WWOX: variants seen among roughly 807,000 people sequenced by gnomAD.
The protein encoded by WWOX is WW domain-containing oxidoreductase.
WWOX carries 69 observed loss-of-function variants against 46.2 expected under a neutral mutation model. That is an observed-to-expected ratio of 1.49 (90% CI 1.23 to 1.82). WWOX has a LOEUF of 1.82. Ranked by LOEUF, WWOX falls within the 40% of genes most tolerant of loss-of-function variation. The probability of loss-of-function intolerance (pLI) is 0.00; values close to 1 mark genes in which losing one functional copy is unlikely to be tolerated. For missense variants in WWOX, 919 were observed against 542.6 expected (o/e 1.69, Z -6.89); for synonymous variants, 359 against 202.6 (o/e 1.77, Z -6.56).
At chr16:78,807,454 G>T (rs2051072413) in intron 8 of WWOX, among the ~76,000 whole-genome samples, 2 of 152,216 alleles carry the variant, frequency 1.3e-5, no homozygotes, top group South Asian at 4.1e-4. Flanking sequence ...GCTGAATCAT[G>T]AGGCCATGTA....
intron 8 of WWOX, chr16:78,552,280 A>C (rs1001219329): frequency 6.6e-6 from 1 of 152,182 alleles, no homozygotes; most frequent in Non-Finnish European, 1.5e-5. Context: ...TGATTTACAC[A>C]AAGCCATCTG....
At chr16:78,733,668 T>C (rs959881673) in intron 8 of WWOX, among the ~76,000 whole-genome samples, 1 of 151,202 alleles carries the variant, frequency 6.6e-6, no homozygotes, top group East Asian at 1.9e-4. Flanking sequence ...GGCAGGAGAA[T>C]GGTTTGAACT....
In WWOX at chr16:78,379,716, G is replaced by C. The variant is rs115945600; in HGVS notation, c.517-7144G>C. 3.3e-5 allele frequency among the ~76,000 whole-genome samples: 5 copies of C among 152,226 alleles called. No homozygotes were observed. The East Asian group carries it at 5.8e-4, about 18-fold the overall frequency. ...ATGGCGAGAAATGGGATAGGAGAGC[G>C]AACTCACTGATACCCTCCCAGCTAA... On this transcript the variant is annotated intron_variant, in intron 5 of 8. Coordinates refer to ENST00000566780, the MANE Select transcript of WWOX (RefSeq NM_016373.4).
chr16:79,193,034 C>T (rs1274365738), intron 8 of WWOX, among the ~76,000 whole-genome samples: 1 of 152,236 alleles, frequency 6.6e-6, no homozygotes, highest in Non-Finnish European at 1.5e-5. Context: ...GTGTCCATGG[C>T]TGTGAACTGC....
chr16:78,117,280 C>G (rs974900666), intron 4 of WWOX, among the ~76,000 whole-genome samples: 1 of 152,162 alleles, frequency 6.6e-6, no homozygotes, highest in Non-Finnish European at 1.5e-5. Context: ...AGATGTCGCA[C>G]AAGGTCTTAG....
intron 8 of WWOX, among the ~76,000 whole-genome samples, chr16:78,672,033 A>AAC (rs1423862366): frequency 1.5e-4 from 23 of 152,202 alleles, no homozygotes; most frequent in Non-Finnish European, 3.4e-4. Flanking sequence ...TTAAGAGTTA[A>AAC]GTATCACTTT....
At position 78,971,448 on chromosome 16, in the gene WWOX, C is replaced by CAAAA. The variant is rs71140852; in HGVS notation, c.1057-240137_1057-240134dup. ...CCAGTCTGGGTGACAGACTCTGTGT[C>CAAAA]AAAAAAAAAAAAAAAAAAAAAAAAA... On this transcript the variant is annotated intron_variant, in intron 8 of 8. Coordinates refer to ENST00000566780, the MANE Select transcript of WWOX (RefSeq NM_016373.4). 2.4e-3 allele frequency among the ~76,000 whole-genome samples: 269 copies of CAAAA among 111,858 alleles called. 2 individuals are homozygous for CAAAA. The highest frequency in any genetic ancestry group is 8.7e-3 in the African/African-American group (255 of 29,282). The allele number at this position is 111,858 out of a possible 152,430, so 73.4% of individuals were successfully genotyped here.
rs558498510 is a variant in WWOX, at chr16:79,208,771, C to G, written c.1057-2837C>G. Among the ~76,000 whole-genome samples the G allele has an allele frequency of 3.3e-4, 50 of 152,250 alleles. No individual in the cohort carries two copies. The Middle Eastern group carries it at 0.014, about 41-fold the overall frequency. On this transcript the variant is annotated intron_variant, in intron 8 of 8. Transcript: ENST00000566780. ...AAGCTGGTGAGCCAAAAATGAGAAC[C>G]TGTTACTAAACTGTCATCACATCTG...
chr16:78,772,035 A>G (rs1311257568), intron 8 of WWOX, among the ~76,000 whole-genome samples: 1 of 152,158 alleles, frequency 6.6e-6, no homozygotes, highest in Non-Finnish European at 1.5e-5. Flanking sequence ...TTGGACCTGT[A>G]ATTCTTTTTT....
intron 8 of WWOX, chr16:79,205,285 CCT>C (rs1224607469): frequency 1.3e-5 from 2 of 152,204 alleles, no homozygotes; most frequent in African/African-American, 4.8e-5. Context: ...CCATCAAGCC[CCT>C]GTCATAGACA....
At chr16:78,678,101 C>T (rs1360519417) in intron 8 of WWOX, among the ~76,000 whole-genome samples, 2 of 152,214 alleles carry the variant, frequency 1.3e-5, no homozygotes, top group Non-Finnish European at 2.9e-5. Context: ...TCACTGCCCT[C>T]CCCCTCCCCA....
chr16:78,335,699 A>G (rs748098080), intron 5 of WWOX, among the ~76,000 whole-genome samples: 5 of 152,154 alleles, frequency 3.3e-5, no homozygotes, highest in African/African-American at 9.7e-5. Flanking sequence ...AATTCACCCA[A>G]TCCGAATTTT....
intron 8 of WWOX, among the ~76,000 whole-genome samples, chr16:78,943,005 C>A (rs945153405): frequency 6.6e-5 from 10 of 152,172 alleles, no homozygotes; most frequent in Non-Finnish European, 1.5e-5. Flanking sequence ...GAATGAAAGC[C>A]TGCCTTTCTG....
intron 8 of WWOX, among the ~76,000 whole-genome samples, chr16:78,913,852 G>T (rs117646850): frequency 4.0e-5 from 6 of 151,890 alleles, no homozygotes; most frequent in African/African-American, 1.4e-4. Context: ...GTAGATACGG[G>T]GTCTTGCTAT....
intron 8 of WWOX, among the ~76,000 whole-genome samples, chr16:78,471,633 G>T (rs1247337889): frequency 6.6e-6 from 1 of 152,122 alleles, no homozygotes; most frequent in Non-Finnish European, 1.5e-5. Flanking sequence ...TTTGTACTGA[G>T]ACACATTTAT....
intron 8 of WWOX, among the ~76,000 whole-genome samples, chr16:79,138,969 C>G (rs1391883511): frequency 6.6e-6 from 1 of 152,110 alleles, no homozygotes; most frequent in Non-Finnish European, 1.5e-5. Flanking sequence ...AGTCTTCCCC[C>G]ATCCACACAT....
At chr16:79,029,462 A>G (rs1332084362) in intron 8 of WWOX, among the ~76,000 whole-genome samples, 1 of 152,244 alleles carries the variant, frequency 6.6e-6, no homozygotes, top group African/African-American at 2.4e-5. Flanking sequence ...AAATTTATTT[A>G]GCTATTACTC....
chr16:78,442,782 C>A (rs1225925889), intron 8 of WWOX, among the ~76,000 whole-genome samples: 4 of 151,682 alleles, frequency 2.6e-5, no homozygotes, highest in South Asian at 4.2e-4. Context: ...GAGTTCGAGA[C>A]CAGCCTGGTC....
chr16:78,492,462 A>G (rs1049003870), intron 8 of WWOX, among the ~76,000 whole-genome samples: 1 of 152,150 alleles, frequency 6.6e-6, no homozygotes, highest in African/African-American at 2.4e-5. Context: ...TTCAGCATCC[A>G]ATCCACATTG....
Sources: gnomAD v4.1 joint callset for allele counts (sites outside exome capture counted in the v4.1 genomes callset) on GRCh38, gnomAD v4.1.1 for gene constraint, MANE v1.5 for transcripts, NCBI Gene and HGNC (gene_info 2026-07-23, HGNC 2026-07-21) for gene names.